The following UBE2E1 variants were observed in gnomAD, a reference collection of about 807,000 sequenced individuals.
UBE2E1 encodes the protein ubiquitin-conjugating enzyme E2 E1.
Under a neutral mutation model 21.4 loss-of-function variants are expected in UBE2E1, and 6 were observed. The ratio of observed to expected loss-of-function variants is 0.28; its 90% CI spans 0.15 to 0.55. The LOEUF is 0.55. Ranked by LOEUF, UBE2E1 falls within the 20% of genes least tolerant of loss-of-function variation. The pLI is 0.93. For synonymous variants in UBE2E1, 87 were observed against 82.7 expected, an observed-to-expected ratio of 1.05 and a Z score of -0.28; for missense variants, 142 against 236.5, an observed-to-expected ratio of 0.60 and a Z score of 2.62.
chr3:23,835,668 A>C (rs1220576137), intron 3 of UBE2E1, among the ~76,000 whole-genome samples: 1 of 152,186 alleles, frequency 6.6e-6, no homozygotes, highest in Non-Finnish European at 1.5e-5. Context: ...GGCTTTTATG[A>C]CATATAATCA....
In UBE2E1 at chr3:23,855,552, G is replaced by A. The variant is rs141496786; in HGVS notation, c.204-32015G>A. On this transcript the variant is annotated intron_variant, in intron 3 of 5. Transcript: ENST00000306627. ...ATGCATAGAAATAGTGCTTTAGGCC[G>A]GGCGCGGTGGCTCACACCTGTAATC... Among the ~76,000 whole-genome samples the A allele has an allele frequency of 5.8e-3, 878 of 152,170 alleles. 10 individuals are homozygous for A. Among genetic ancestry groups the A allele is most frequent in the African/African-American group, 0.019 (806 of 41,514 alleles).
intron 3 of UBE2E1, 69 bp downstream of exon 3, chr3:23,811,579 A>G: frequency 2.1e-6 from 3 of 1,442,572 alleles, no homozygotes; most frequent in Non-Finnish European, 1.9e-6. Flanking sequence ...TTTTCTTTTT[A>G]TTATATACTT....
At chr3:23,825,918 A>G (rs550014849) in intron 3 of UBE2E1, among the ~76,000 whole-genome samples, 2 of 152,282 alleles carry the variant, frequency 1.3e-5, no homozygotes, top group African/African-American at 2.4e-5. Context: ...GGGCATGCCT[A>G]TATTCCCCGC....
Position 23,870,807 on chromosome 3 carries a change from A to G in UBE2E1, c.204-16760A>G, listed in dbSNP as rs1263492541. On this transcript the variant is annotated intron_variant, in intron 3 of 5. Transcript: ENST00000306627. The surrounding 1 kb of genome is among the most constrained non-coding windows in gnomAD (Gnocchi z 4.2). The stretch of plus-strand genomic sequence containing the variant: ...GTGAACAAAGGTCTCTGGTTTTCCT[A>G]GGCAGAGGACCCTGCGGCCTTCCGC... Among the ~76,000 whole-genome samples the G allele has an allele frequency of 1.4e-5, 2 of 139,780 alleles. No individual in the cohort carries two copies. The highest frequency in any genetic ancestry group is 2.5e-5 in the African/African-American group (1 of 39,906). 91.7% of individuals were successfully genotyped at this position (139,780 alleles called of 152,430 possible). A position where few individuals can be genotyped will look rare whatever the true frequency, so the allele number is the denominator to read the frequency against.
Position 23,889,094 on chromosome 3 carries a change from G to A in UBE2E1, c.337-18G>A. 1 of 1,584,782 alleles carries A rather than the reference G, an allele frequency of 6.3e-7. No individual in the cohort carries two copies. Among genetic ancestry groups the A allele is most frequent in the Non-Finnish European group, 8.6e-7 (1 of 1,167,214 alleles). On this transcript the variant is annotated intron_variant, in intron 4 of 5. Transcript: ENST00000306627. Reference sequence around the variant, plus strand: ...TTTGTTTGCTGTTTAAATATTGTCTGTCACTTGTTTTTTTTAGGTTACATT... The same window carrying A: ...TTTGTTTGCTGTTTAAATATTGTCTATCACTTGTTTTTTTTAGGTTACATT...
rs145671035 is a variant in UBE2E1, at chr3:23,891,484, T to G, written c.*878T>G. ...ACTTTACACAGCTGTAGATGAGGTA[T>G]CCTAGAAAAGGTTAAATAATCTACC... On this transcript the variant is annotated 3_prime_UTR_variant, in exon 6 of 6. Transcript: ENST00000306627. Among the ~76,000 whole-genome samples, 41 of 152,222 alleles carry G rather than the reference T, an allele frequency of 2.7e-4. No homozygotes were observed. Among genetic ancestry groups the G allele is most frequent in the African/African-American group, 9.9e-4 (41 of 41,464 alleles).
chr3:23,827,719 T>G (rs1699787759), intron 3 of UBE2E1, among the ~76,000 whole-genome samples: 1 of 152,216 alleles, frequency 6.6e-6, no homozygotes, highest in African/African-American at 2.4e-5. Flanking sequence ...GAGGCTTATT[T>G]TATAACATAG....
At chr3:23,851,280 G>A (rs533985438) in intron 3 of UBE2E1, among the ~76,000 whole-genome samples, 2 of 152,322 alleles carry the variant, frequency 1.3e-5, no homozygotes, top group South Asian at 4.1e-4. Flanking sequence ...GTACTACGAT[G>A]TCTTAATTTC....
chr3:23,880,983 A>G (rs1701025238), intron 3 of UBE2E1, among the ~76,000 whole-genome samples: 1 of 152,240 alleles, frequency 6.6e-6, no homozygotes, highest in African/African-American at 2.4e-5. Context: ...ATACTTATCA[A>G]TATAATATTG....
At chr3:23,879,004 C>A in intron 3 of UBE2E1, 1 of 489,138 alleles carries the variant, frequency 2.0e-6, no homozygotes, top group East Asian at 5.5e-5. Flanking sequence ...CCTATGATTG[C>A]ACAGGTAAGC....
chr3:23,820,499 A>G (rs973967411), intron 3 of UBE2E1, among the ~76,000 whole-genome samples: 3 of 152,228 alleles, frequency 2.0e-5, no homozygotes, highest in African/African-American at 7.2e-5. Flanking sequence ...GTTTTCACAT[A>G]CAGAACATAT....
chr3:23,875,919 C>T (rs1457448763), intron 3 of UBE2E1, among the ~76,000 whole-genome samples: 1 of 152,188 alleles, frequency 6.6e-6, no homozygotes, highest in African/African-American at 2.4e-5. Context: ...ATTACAGGCG[C>T]TCGCCACCAC....
At chr3:23,817,568 C>T (rs1286268280) in intron 3 of UBE2E1, among the ~76,000 whole-genome samples, 2 of 151,906 alleles carry the variant, frequency 1.3e-5, no homozygotes, top group Non-Finnish European at 1.5e-5. Context: ...ATGCAGATAT[C>T]ATGTTATAAA....
chr3:23,807,368 G>A lies in UBE2E1; in HGVS notation c.99G>A (p.Glu33=), dbSNP rs766193190. The change falls in exon 2 of 6, where the codon GAG becomes GAA. Residue 33 remains glutamate, a synonymous_variant. Transcript: ENST00000306627. ...EKETNTPKKK[E]SKVSMSKNSK... ...AAACAAACACCCCCAAGAAGAAGGA[G>A]AGTAAAGTCAGCATGAGCAAAAACT... The A allele has an allele frequency of 1.2e-6, 2 of 1,613,816 alleles. No homozygotes were observed. The highest frequency in any genetic ancestry group is 2.2e-5 in the South Asian group (2 of 91,020).
At chr3:23,819,844 G>T (rs1483465144) in intron 3 of UBE2E1, among the ~76,000 whole-genome samples, 1 of 152,184 alleles carries the variant, frequency 6.6e-6, no homozygotes, top group Non-Finnish European at 1.5e-5. Context: ...AAAAAGATGT[G>T]ATCTCTGCTG....
intron 2 of UBE2E1, 119 bp downstream of exon 2, chr3:23,807,540 A>C: frequency 7.6e-7 from 1 of 1,308,018 alleles, no homozygotes. Context: ...TGTTCTTAAA[A>C]ATGAAAGAAG....
In UBE2E1 at chr3:23,885,017, G is replaced by A. The variant is rs1278495164; in HGVS notation, c.204-2550G>A. ...ACTTTCTTCAGTTTGCTATAACAAA[G>A]TACCATGAATTGGATGGCTTATAAA... On this transcript the variant is annotated intron_variant, in intron 3 of 5. Transcript: ENST00000306627. Among the ~76,000 whole-genome samples, 6 of 152,162 alleles carry A rather than the reference G, an allele frequency of 3.9e-5. No individual in the cohort carries two copies. The South Asian group carries it at 1.0e-3, about 26-fold the overall frequency.
At chr3:23,817,006 T>G in intron 3 of UBE2E1, among the ~76,000 whole-genome samples, 1 of 152,348 alleles carries the variant, frequency 6.6e-6, no homozygotes, top group Admixed American at 6.5e-5. Flanking sequence ...GTTATATATA[T>G]TTTATCACAA....
At chr3:23,813,888 A>G (rs1054206337) in intron 3 of UBE2E1, among the ~76,000 whole-genome samples, 1 of 152,196 alleles carries the variant, frequency 6.6e-6, no homozygotes, top group African/African-American at 2.4e-5. Context: ...CTATGAATTA[A>G]GTGATATATT....
Sources: allele counts gnomAD v4.1 joint callset (sites outside exome capture counted in the v4.1 genomes callset), GRCh38; gene constraint gnomAD v4.1.1; non-coding constraint Gnocchi (gnomAD v3.1); transcripts MANE v1.5; gene names NCBI Gene and HGNC (gene_info 2026-07-23, HGNC 2026-07-21).